Variants in SLC2A9 observed in about 807,000 individuals in gnomAD.
The protein encoded by SLC2A9 is solute carrier family 2, facilitated glucose transporter member 9.
SLC2A9 carries 39 observed loss-of-function variants against 50.6 expected under a neutral mutation model. The observed-to-expected ratio is 0.77, with a 90% confidence interval of 0.60 to 1.01. SLC2A9 has a LOEUF of 1.01. Among genes scored for constraint, SLC2A9 ranks in the 50% least tolerant of loss-of-function variants. The pLI is 0.00. For missense variants in SLC2A9, 686 were observed against 677.6 expected, an observed-to-expected ratio of 1.01 and a Z score of -0.14; for synonymous variants, 324 against 276.9, an observed-to-expected ratio of 1.17 and a Z score of -1.69.
chr4:9,955,363 C>T (rs1380295584), intron 5 of SLC2A9, among the ~76,000 whole-genome samples: 1 of 103,988 alleles, frequency 9.6e-6, no homozygotes, highest in Non-Finnish European at 1.9e-5. Flanking sequence ...GGCGTGATGG[C>T]GGGCGCCTGT....
chr4:9,773,655 G>T (rs868611380), intron 1 of SLC2A9, among the ~76,000 whole-genome samples: 5 of 152,230 alleles, frequency 3.3e-5, no homozygotes, highest in African/African-American at 1.2e-4. Flanking sequence ...TCAGGGCTCT[G>T]GCTGGATGAA....
At chr4:9,943,485 C>A (rs1748562311) in intron 5 of SLC2A9, among the ~76,000 whole-genome samples, 1 of 152,042 alleles carries the variant, frequency 6.6e-6, no homozygotes, top group South Asian at 2.1e-4. Flanking sequence ...CTGTCGGGGG[C>A]CCAGGAGGGC....
At chr4:10,005,629 A>C (rs1760656019) in intron 2 of SLC2A9, among the ~76,000 whole-genome samples, 1 of 152,236 alleles carries the variant, frequency 6.6e-6, no homozygotes, top group African/African-American at 2.4e-5. Context: ...AGAAGCATTG[A>C]TGTTACGGCT....
chr4:10,019,100 G>C (rs2109537732), intron 1 of SLC2A9, 27 bp from the exon 2 acceptor site: 3 of 1,543,064 alleles, frequency 1.9e-6, no homozygotes, highest in Non-Finnish European at 2.6e-6. Flanking sequence ...CCACGTCAGA[G>C]CCGGCACCGG....
chr4:9,959,738 C>T (rs962224336), intron 5 of SLC2A9, among the ~76,000 whole-genome samples: 1 of 152,108 alleles, frequency 6.6e-6, no homozygotes, highest in South Asian at 2.1e-4. Context: ...CTTTGGGGTT[C>T]CCTTTGTGGA....
chr4:9,996,757 A>G, intron 3 of SLC2A9, 24 bp downstream of exon 3: 1 of 1,612,268 alleles, frequency 6.2e-7, no homozygotes, highest in Non-Finnish European at 8.5e-7. Context: ...GGGCACCCCC[A>G]GATAGAGACA....
At chr4:9,772,813 AT>A (rs76377030) in intron 1 of SLC2A9, among the ~76,000 whole-genome samples, 1,960 of 101,910 alleles carry the variant, frequency 0.019, 23 homozygotes, top group Middle Eastern at 0.062. Context: ...ATGCCATTTT[AT>A]TTTTTTTTTT....
At chr4:9,938,814 G>C (rs1747604916) in intron 6 of SLC2A9, among the ~76,000 whole-genome samples, 1 of 152,152 alleles carries the variant, frequency 6.6e-6, no homozygotes, top group African/African-American at 2.4e-5. Context: ...CATGTGTATT[G>C]CAGGCACTGG....
At chr4:9,941,719 G>A (rs1221886029) in intron 6 of SLC2A9, among the ~76,000 whole-genome samples, 194 bp downstream of exon 6, 1 of 152,168 alleles carries the variant, frequency 6.6e-6, no homozygotes, top group Non-Finnish European at 1.5e-5. Context: ...GTGACTCTGT[G>A]TCCCCTCTCT....
At chr4:9,953,917 C>A (rs1750745484) in intron 5 of SLC2A9, among the ~76,000 whole-genome samples, 2 of 152,226 alleles carry the variant, frequency 1.3e-5, no homozygotes, top group Non-Finnish European at 2.9e-5. Context: ...TCAAGCAATT[C>A]TCCTGCCTCA....
intron 10 of SLC2A9, among the ~76,000 whole-genome samples, chr4:9,840,159 A>T (rs1727813773): frequency 6.6e-6 from 1 of 152,214 alleles, no homozygotes. Context: ...GTAACTCCAC[A>T]GCATGAGTTT....
At position 10,004,620 on chromosome 4, in the gene SLC2A9, G is replaced by A. The variant is rs148984563; in HGVS notation, c.250-7679C>T. Among the ~76,000 whole-genome samples the A allele has an allele frequency of 2.0e-3, 308 of 152,294 alleles. 1 individual carries two copies. Among genetic ancestry groups the A allele is most frequent in the Middle Eastern group, 6.8e-3 (2 of 294 alleles). ...GTTCCTGCTCATCTCCTTCAAATGA[G>A]GTGATATAAATGGGAATTTTCACTG... On this transcript the variant is annotated intron_variant, in intron 2 of 11. Transcript: ENST00000264784.
intron 3 of SLC2A9, chr4:9,781,946 C>G: frequency 8.1e-7 from 1 of 1,232,464 alleles, no homozygotes; most frequent in South Asian, 1.8e-5. Flanking sequence ...GGGGCGCATC[C>G]TCGGGGTGCC....
chr4:9,917,325 C>T (rs1292590523), intron 7 of SLC2A9, among the ~76,000 whole-genome samples: 14 of 81,798 alleles, frequency 1.7e-4, no homozygotes, highest in South Asian at 5.0e-4. Flanking sequence ...TTCTTTTTTC[C>T]TTTTTTTTTT....
At chr4:10,023,385 A>G (rs1763641453), upstream of SLC2A9, among the ~76,000 whole-genome samples, 1 of 151,710 alleles carries the variant, frequency 6.6e-6, no homozygotes, top group South Asian at 2.1e-4. Flanking sequence ...CATCTCATTT[A>G]CCCCTCCTCA....
intron 3 of SLC2A9, among the ~76,000 whole-genome samples, chr4:9,780,376 G>A (rs1254509747): frequency 1.3e-5 from 2 of 152,144 alleles, no homozygotes; most frequent in Non-Finnish European, 2.9e-5. Flanking sequence ...TGGCCCTTCA[G>A]TTTCAGGTTT....
intron 9 of SLC2A9, among the ~76,000 whole-genome samples, chr4:9,890,151 G>C (rs1374982819): frequency 1.3e-5 from 2 of 152,194 alleles, no homozygotes; most frequent in Non-Finnish European, 2.9e-5. Flanking sequence ...TTACAAGTAA[G>C]GAAAAGCCAG....
chr4:9,887,504 C>T, intron 10 of SLC2A9, 63 bp downstream of exon 10: 2 of 1,476,600 alleles, frequency 1.4e-6, no homozygotes, highest in South Asian at 2.5e-5. Context: ...ATGAGGAGAG[C>T]CCCCCAGCTT....
At chr4:9,883,543 G>T (rs1735612471) in intron 10 of SLC2A9, among the ~76,000 whole-genome samples, 1 of 152,232 alleles carries the variant, frequency 6.6e-6, no homozygotes. Context: ...AAGGCAGCTG[G>T]TGCAGTGTCT....
Sources: allele counts gnomAD v4.1 joint callset (sites outside exome capture counted in the v4.1 genomes callset), GRCh38; gene constraint gnomAD v4.1.1; transcripts MANE v1.5; gene names NCBI Gene and HGNC (gene_info 2026-07-23, HGNC 2026-07-21).